Variants in POU2F1 observed in about 807,000 individuals in gnomAD.
The protein encoded by POU2F1 is POU class 2 homeobox 1, also known as POU domain, class 2, transcription factor 1.
Under a neutral mutation model 84.9 loss-of-function variants are expected in POU2F1, and 16 were observed. The ratio of observed to expected loss-of-function variants is 0.19; its 90% CI spans 0.13 to 0.29. POU2F1 has a LOEUF of 0.29. POU2F1 is among the 10% of genes least tolerant of loss of function. POU2F1 has a pLI of 1.00. For synonymous variants in POU2F1, 368 were observed against 368.3 expected (o/e 1.00, Z 0.01); for missense variants, 738 against 942.6 (o/e 0.78, Z 2.84).
At chr1:167,241,334 T>C (rs774257882) in intron 1 of POU2F1, 3 of 152,180 alleles carry the variant, frequency 2.0e-5, no homozygotes, top group Non-Finnish European at 4.4e-5. Context: ...ATCTGTTTTT[T>C]AGTGCCGGGT....
chr1:167,299,955 G>A (rs546568094), intron 1 of POU2F1, among the ~76,000 whole-genome samples: 4 of 152,052 alleles, frequency 2.6e-5, no homozygotes, highest in African/African-American at 4.8e-5. Flanking sequence ...TACTGATCCG[G>A]GTACTGCCCT....
intron 1 of POU2F1, among the ~76,000 whole-genome samples, chr1:167,272,356 G>T (rs1571206494): frequency 1.7e-5 from 2 of 117,078 alleles, no homozygotes; most frequent in African/African-American, 6.7e-5. Context: ...TTCTTACTCT[G>T]GTTTTGTAAG....
Position 167,398,034 on chromosome 1 carries a change from C to T in POU2F1, c.1170C>T (p.Ala390=). The change falls in exon 11 of 16, where the codon GCC becomes GCT. Residue 390 remains alanine, a synonymous_variant. Coordinates refer to ENST00000367866, the MANE Select transcript of POU2F1 (RefSeq NM_002697.4). ...ATTCGTCCCTCTCCAGCCCAAGTGC[C>T]CTGAATTCTCCAGGAATTGAGGGCT... ...SSDSSLSSPS[A]LNSPGIEGLS... 5 of 1,613,950 alleles carry T rather than the reference C, an allele frequency of 3.1e-6. No individual in the cohort carries two copies. Among genetic ancestry groups the T allele is most frequent in the South Asian group, 1.1e-5 (1 of 91,066 alleles).
At chr1:167,320,934 G>A (rs1017699710) in intron 1 of POU2F1, among the ~76,000 whole-genome samples, 3 of 152,158 alleles carry the variant, frequency 2.0e-5, no homozygotes, top group African/African-American at 7.2e-5. Context: ...TCCAATTAAT[G>A]TCCCCTAGTA....
At chr1:167,390,991 G>A (rs1648354905) in intron 9 of POU2F1, among the ~76,000 whole-genome samples, 1 of 152,092 alleles carries the variant, frequency 6.6e-6, no homozygotes, top group Non-Finnish European at 1.5e-5. Context: ...TCAGCTAACC[G>A]AGGACTTTTA....
intron 1 of POU2F1, among the ~76,000 whole-genome samples, chr1:167,251,043 T>C (rs1650688947): frequency 6.6e-6 from 1 of 152,234 alleles, no homozygotes; most frequent in African/African-American, 2.4e-5. Flanking sequence ...TGAAATTTTC[T>C]TTTTGTGAGG....
intron 1 of POU2F1, among the ~76,000 whole-genome samples, chr1:167,295,817 G>T (rs916852940): frequency 2.0e-5 from 3 of 152,146 alleles, no homozygotes; most frequent in African/African-American, 7.2e-5. Context: ...ATACCAGGGA[G>T]AATAGGGAAC....
rs1650827942 is a variant in POU2F1, at chr1:167,424,436, A to T, written c.*8626A>T. 1 of 152,448 alleles carries T rather than the reference A, an allele frequency of 6.6e-6. No individual in the cohort carries two copies. The highest frequency in any genetic ancestry group is 1.5e-5 in the Non-Finnish European group (1 of 68,104). 9.4% of individuals were successfully genotyped at this position (152,448 alleles called of 1,614,324 possible). On this transcript the variant is annotated 3_prime_UTR_variant, in exon 16 of 16. Coordinates refer to ENST00000367866, the MANE Select transcript of POU2F1 (RefSeq NM_002697.4). ...TCCTCCCGCATAAGTCTGTACTTCCATCCCCTCATCTGTGGTAGTAGTGAA... is the reference window on the plus strand; with the variant it reads ...TCCTCCCGCATAAGTCTGTACTTCCTTCCCCTCATCTGTGGTAGTAGTGAA...
At chr1:167,288,932 A>G (rs983384598) in intron 1 of POU2F1, among the ~76,000 whole-genome samples, 2 of 152,250 alleles carry the variant, frequency 1.3e-5, no homozygotes, top group Admixed American at 6.5e-5. Flanking sequence ...CATTATAACA[A>G]TAAGTAAAAT....
At chr1:167,384,798 A>G (rs1181577372) in intron 8 of POU2F1, among the ~76,000 whole-genome samples, 1 of 152,152 alleles carries the variant, frequency 6.6e-6, no homozygotes, top group Non-Finnish European at 1.5e-5. Context: ...GAAACAAGGC[A>G]AAGTGACCAG....
intron 1 of POU2F1, among the ~76,000 whole-genome samples, chr1:167,264,599 A>C (rs1651805585): frequency 6.6e-6 from 1 of 152,202 alleles, no homozygotes; most frequent in Non-Finnish European, 1.5e-5. Context: ...ACTGTGATTA[A>C]TAATATATCC....
intron 2 of POU2F1, among the ~76,000 whole-genome samples, chr1:167,353,112 C>T (rs993399933): frequency 2.6e-5 from 4 of 152,186 alleles, no homozygotes; most frequent in Non-Finnish European, 5.9e-5. Flanking sequence ...TAATATAAAT[C>T]CAACTGTCTC....
chr1:167,316,782 A>T (rs906622010), intron 1 of POU2F1, among the ~76,000 whole-genome samples: 2 of 152,252 alleles, frequency 1.3e-5, no homozygotes, highest in African/African-American at 2.4e-5. Context: ...GGATGGGAAT[A>T]ATCAAAGCTG....
chr1:167,366,618 G>A (rs1659697677), intron 3 of POU2F1, among the ~76,000 whole-genome samples: 1 of 152,060 alleles, frequency 6.6e-6, no homozygotes, highest in South Asian at 2.1e-4. Flanking sequence ...TTACAGTGAG[G>A]CCTAATGGAA....
intron 1 of POU2F1, among the ~76,000 whole-genome samples, chr1:167,254,380 A>AC (rs1650976256): frequency 6.6e-6 from 1 of 152,188 alleles, no homozygotes; most frequent in Admixed American, 6.5e-5. Flanking sequence ...TGTTCACCTT[A>AC]CTAGTACAAC....
At chr1:167,396,642 T>A in intron 10 of POU2F1, 1 of 505,642 alleles carries the variant, frequency 2.0e-6, no homozygotes, top group Non-Finnish European at 3.4e-6. Context: ...TAATTAGCCG[T>A]AATTTTTAGC....
At chr1:167,282,577 C>T (rs548029025) in intron 1 of POU2F1, among the ~76,000 whole-genome samples, 2 of 152,258 alleles carry the variant, frequency 1.3e-5, no homozygotes, top group Admixed American at 1.3e-4. Context: ...ATCTTTCCAG[C>T]CTCTTCTCCT....
At chr1:167,360,440 G>A (rs747014834) in intron 2 of POU2F1, among the ~76,000 whole-genome samples, 3 of 151,766 alleles carry the variant, frequency 2.0e-5, no homozygotes, top group African/African-American at 7.2e-5. Flanking sequence ...TCCCAGCACC[G>A]TTATAGGGTG....
At chr1:167,359,324 G>A (rs764350482) in intron 2 of POU2F1, among the ~76,000 whole-genome samples, 1 of 152,146 alleles carries the variant, frequency 6.6e-6, no homozygotes, top group Non-Finnish European at 1.5e-5. Flanking sequence ...AGTACCGTAG[G>A]TAGTTTTTCA....
Sources: gnomAD v4.1 joint callset for allele counts (sites outside exome capture counted in the v4.1 genomes callset) on GRCh38, gnomAD v4.1.1 for gene constraint, MANE v1.5 for transcripts, NCBI Gene and HGNC (gene_info 2026-07-23, HGNC 2026-07-21) for gene names.